The following GALNT7 variants were observed in gnomAD, a reference collection of about 807,000 sequenced individuals.
The protein encoded by GALNT7 is N-acetylgalactosaminyltransferase 7.
In GALNT7, 60 loss-of-function variants were observed where a neutral mutation model predicts 82.1. That is an observed-to-expected ratio of 0.73 (90% CI 0.59 to 0.91). The LOEUF is 0.91. Ranked by LOEUF, GALNT7 falls within the 40% of genes least tolerant of loss-of-function variation. The pLI, the probability that GALNT7 is intolerant of heterozygous loss-of-function variation, is 0.00. For synonymous variants in GALNT7, 243 were observed against 275.1 expected, an observed-to-expected ratio of 0.88 and a Z score of 1.15; for missense variants, 660 against 804.2, an observed-to-expected ratio of 0.82 and a Z score of 2.17.
intron 1 of GALNT7, chr4:173,169,690 T>C (rs1215532736): frequency 1.9e-4 from 29 of 151,248 alleles, no homozygotes; most frequent in Non-Finnish European, 5.9e-5. Context: ...TGGCCGGAGA[T>C]GGCGGAGGGG....
Position 173,292,742 on chromosome 4 carries a change from T to TA in GALNT7, c.754+469dup, listed in dbSNP as rs1291872766. On this transcript the variant is annotated intron_variant, in intron 3 of 11. Coordinates refer to ENST00000265000, the MANE Select transcript of GALNT7 (RefSeq NM_017423.3). This position sits in a 1 kb window ranked among gnomAD's most constrained non-coding sequence, Gnocchi z 4.8. ...GTACACATATGTTAGCACGAATAAATAGAAATATGGCCTATTTTTCCTTTC... is the reference window on the plus strand; with the variant it reads ...GTACACATATGTTAGCACGAATAAATAAGAAATATGGCCTATTTTTCCTTTC... 6.6e-6 allele frequency among the ~76,000 whole-genome samples: 1 copy of TA among 152,216 alleles called. No individual in the cohort carries two copies. The highest frequency in any genetic ancestry group is 1.5e-5 in the Non-Finnish European group (1 of 68,010).
At chr4:173,291,490 T>C (rs1472070547) in intron 2 of GALNT7, among the ~76,000 whole-genome samples, 1 of 152,214 alleles carries the variant, frequency 6.6e-6, no homozygotes, top group Non-Finnish European at 1.5e-5. Flanking sequence ...AGGAAGAGGC[T>C]TCTGGAAACT....
chr4:173,232,412 A>G (rs1219724463), intron 1 of GALNT7, among the ~76,000 whole-genome samples: 1 of 152,088 alleles, frequency 6.6e-6, no homozygotes, highest in African/African-American at 2.4e-5. Flanking sequence ...AAATCAGGGT[A>G]ATTAGGATAT....
chr4:173,265,547 A>T (rs1272187896), intron 2 of GALNT7, among the ~76,000 whole-genome samples: 1 of 151,782 alleles, frequency 6.6e-6, no homozygotes, highest in African/African-American at 2.4e-5. Flanking sequence ...AGCAGCAAGT[A>T]CATGCTAGCT....
chr4:173,250,710 C>G (rs1252898431), intron 2 of GALNT7, among the ~76,000 whole-genome samples: 1 of 152,188 alleles, frequency 6.6e-6, no homozygotes, highest in Admixed American at 6.5e-5. Context: ...CTTCCCATTG[C>G]ACTTAAAACC....
At chr4:173,243,810 A>T (rs1179521967) in intron 1 of GALNT7, among the ~76,000 whole-genome samples, 1 of 152,138 alleles carries the variant, frequency 6.6e-6, no homozygotes, top group Admixed American at 6.5e-5. Flanking sequence ...TGGTGAATTC[A>T]TAAGGTATTG....
rs1735437420 is a variant in GALNT7, at chr4:173,265,253, C to T, written c.587+16813C>T. Among the ~76,000 whole-genome samples the T allele has an allele frequency of 2.0e-5, 3 of 152,232 alleles. No individual in the cohort carries two copies. The South Asian group carries it at 6.2e-4, about 32-fold the overall frequency. ...ATAATCCTGTTATGAGAATGTCTTCCTCTATTAGCCTTTGTTTGTGCCAGC... is the reference window on the plus strand; with the variant it reads ...ATAATCCTGTTATGAGAATGTCTTCTTCTATTAGCCTTTGTTTGTGCCAGC... On this transcript the variant is annotated intron_variant, in intron 2 of 11. Coordinates refer to ENST00000265000, the MANE Select transcript of GALNT7 (RefSeq NM_017423.3).
At chr4:173,206,157 A>T (rs1241648717) in intron 1 of GALNT7, among the ~76,000 whole-genome samples, 1 of 152,174 alleles carries the variant, frequency 6.6e-6, no homozygotes, top group East Asian at 1.9e-4. Flanking sequence ...GCTGGCTTTT[A>T]TTGAGGCAAG....
chr4:173,201,152 T>C (rs540415904), intron 1 of GALNT7, among the ~76,000 whole-genome samples: 1 of 152,318 alleles, frequency 6.6e-6, no homozygotes, highest in Non-Finnish European at 1.5e-5. Context: ...TTTTAACAGT[T>C]ACATAAGACC....
chr4:173,311,323 G>A (rs10520257), intron 8 of GALNT7, among the ~76,000 whole-genome samples: 3,912 of 152,178 alleles, frequency 0.026, 162 homozygotes, highest in African/African-American at 0.087. Flanking sequence ...GTCTAATTTC[G>A]TATGGATTTG....
chr4:173,283,650 A>G (rs191456538), intron 2 of GALNT7, among the ~76,000 whole-genome samples: 4 of 151,836 alleles, frequency 2.6e-5, no homozygotes, highest in African/African-American at 7.3e-5. Context: ...AAAAAAAAAA[A>G]AAAGAAAGTG....
Position 173,292,108 on chromosome 4 carries a change from A to G in GALNT7, c.588A>G (p.Glu196=). 1 of 1,600,068 alleles carries G rather than the reference A, an allele frequency of 6.2e-7. No individual in the cohort carries two copies. Among genetic ancestry groups the G allele is most frequent in the Non-Finnish European group, 8.5e-7 (1 of 1,170,812 alleles). ...DRSVNDLRQE[E]CKYWHYDENL... is the part of the protein sequence containing the mutation. ...ATATGATGAAATTTTCTCTTTACAG[A>G]TGCAAGTATTGGCATTATGATGAAA... The change falls in exon 3 of 12, where the codon GAA becomes GAG. Residue 196 remains glutamate, a splice_region_variant and synonymous_variant. Coordinates refer to ENST00000265000, the MANE Select transcript of GALNT7 (RefSeq NM_017423.3). The surrounding 1 kb of genome is among the most constrained non-coding windows in gnomAD (Gnocchi z 4.8).
chr4:173,257,170 C>G (rs1443192476), intron 2 of GALNT7, among the ~76,000 whole-genome samples: 1 of 152,188 alleles, frequency 6.6e-6, no homozygotes, highest in Non-Finnish European at 1.5e-5. Context: ...GGCTTCCTTC[C>G]TCTCATTCTG....
chr4:173,241,974 A>G (rs1051772642), intron 1 of GALNT7, among the ~76,000 whole-genome samples: 1 of 152,214 alleles, frequency 6.6e-6, no homozygotes, highest in Non-Finnish European at 1.5e-5. Context: ...TAGCTATTCC[A>G]TAATAGGCAT....
At chr4:173,245,857 A>G (rs991530582) in intron 1 of GALNT7, among the ~76,000 whole-genome samples, 1 of 151,986 alleles carries the variant, frequency 6.6e-6, no homozygotes, top group African/African-American at 2.4e-5. Context: ...TATGATTTCC[A>G]AAAAAACAGC....
At position 173,323,059 on chromosome 4, in the gene GALNT7, C is replaced by A. The variant is rs1737880487; in HGVS notation, c.*1342C>A. On this transcript the variant is annotated 3_prime_UTR_variant, in exon 12 of 12. Transcript: ENST00000265000. ...AGGAAAACCAAATATTGCAAATGGT[C>A]AATTCGATTTTAATTTCTCAAAAGA... 6.7e-6 allele frequency: 1 copy of A among 148,518 alleles called. No homozygotes were observed. Among genetic ancestry groups the A allele is most frequent in the Admixed American group, 6.7e-5 (1 of 14,898 alleles). The allele number at this position is 148,518 out of a possible 1,614,324, so 9.2% of individuals were successfully genotyped here.
chr4:173,183,492 C>T lies in GALNT7; in HGVS notation c.126+14531C>T, dbSNP rs561046441. 4.0e-5 allele frequency among the ~76,000 whole-genome samples: 6 copies of T among 151,602 alleles called. 1 individual carries two copies. In the South Asian group the frequency reaches 1.2e-3, roughly 31 times the overall value. ...ACGTGGGCTTAATTTTTTTTTTTTC[C>T]CCAAGGCAGAAGAATTTTTCTTAGT... On this transcript the variant is annotated intron_variant, in intron 1 of 11. Transcript: ENST00000265000.
chr4:173,317,875 GAC>G, intron 10 of GALNT7, 143 bp downstream of exon 10: 1 of 610,950 alleles, frequency 1.6e-6, no homozygotes, highest in East Asian at 2.8e-5. Context: ...TAAAAAAATT[GAC>G]AGTGTTAAAA....
intron 1 of GALNT7, among the ~76,000 whole-genome samples, chr4:173,205,530 G>A (rs1191339082): frequency 6.6e-6 from 1 of 152,084 alleles, no homozygotes; most frequent in Non-Finnish European, 1.5e-5. Flanking sequence ...TTCTCTAGTG[G>A]TATGCTTTGA....
Sources: allele counts gnomAD v4.1 joint callset (sites outside exome capture counted in the v4.1 genomes callset), GRCh38; gene constraint gnomAD v4.1.1; non-coding constraint Gnocchi (gnomAD v3.1); transcripts MANE v1.5; gene names NCBI Gene and HGNC (gene_info 2026-07-23, HGNC 2026-07-21).